The following UNC5D variants were observed in gnomAD, a reference collection of about 807,000 sequenced individuals.
The protein encoded by UNC5D is netrin receptor UNC5D.
In UNC5D, 39 loss-of-function variants were observed where a neutral mutation model predicts 105.4. The ratio of observed to expected loss-of-function variants is 0.37; its 90% CI spans 0.29 to 0.48. UNC5D has a LOEUF of 0.48. Among genes scored for constraint, UNC5D ranks in the 20% least tolerant of loss-of-function variants. The pLI is 0.98. For missense variants in UNC5D, 991 were observed against 1,202.4 expected (o/e 0.82, Z 2.60); for synonymous variants, 452 against 450.4 (o/e 1.00, Z -0.04).
intron 3 of UNC5D, among the ~76,000 whole-genome samples, chr8:35,569,517 C>G (rs746980906): frequency 2.0e-4 from 30 of 152,344 alleles, no homozygotes; most frequent in Non-Finnish European, 3.7e-4. Flanking sequence ...CTTCATTCTA[C>G]TGGCAATTTG....
intron 4 of UNC5D, among the ~76,000 whole-genome samples, chr8:35,679,191 AG>A (rs1269124399): frequency 2.0e-5 from 3 of 152,188 alleles, no homozygotes; most frequent in African/African-American, 7.2e-5. Context: ...TCAAGGCTGT[AG>A]TGAGCTATGA....
chr8:35,411,814 G>T (rs1318151144), intron 1 of UNC5D, among the ~76,000 whole-genome samples: 1 of 151,832 alleles, frequency 6.6e-6, no homozygotes, highest in Non-Finnish European at 1.5e-5. Flanking sequence ...ATGTTTATCG[G>T]AAGTACCCAG....
rs531224016 is a variant in UNC5D, at chr8:35,337,595, G to A, written c.103+101708G>A. On this transcript the variant is annotated intron_variant, in intron 1 of 16. Transcript: ENST00000404895. ...CCCGATTTGTGGGCAGTTCTTCTTA[G>A]CATTCTACTGTGGTATGAAGCACAC... 2.3e-4 allele frequency among the ~76,000 whole-genome samples: 35 copies of A among 152,262 alleles called. No individual in the cohort carries two copies. In the East Asian group the frequency reaches 6.0e-3, roughly 26 times the overall value.
At chr8:35,374,388 T>C (rs758911973) in intron 1 of UNC5D, among the ~76,000 whole-genome samples, 3 of 152,188 alleles carry the variant, frequency 2.0e-5, no homozygotes, top group Non-Finnish European at 4.4e-5. Flanking sequence ...GCCATTTCCG[T>C]TGAGCAAGAA....
At chr8:35,515,444 G>A (rs944762247) in intron 1 of UNC5D, among the ~76,000 whole-genome samples, 2 of 152,192 alleles carry the variant, frequency 1.3e-5, no homozygotes, top group Non-Finnish European at 2.9e-5. Flanking sequence ...CAGCACTTTG[G>A]GAGACCGAGG....
At chr8:35,251,852 T>G (rs1026191255) in intron 1 of UNC5D, among the ~76,000 whole-genome samples, 1 of 152,096 alleles carries the variant, frequency 6.6e-6, no homozygotes, top group African/African-American at 2.4e-5. Flanking sequence ...TGGTAGTTCC[T>G]CATACGGAGT....
intron 1 of UNC5D, among the ~76,000 whole-genome samples, chr8:35,291,089 TG>T (rs1466172811): frequency 6.6e-6 from 1 of 152,116 alleles, no homozygotes; most frequent in Non-Finnish European, 1.5e-5. Flanking sequence ...GTAAACCAAG[TG>T]GAAACTGAGT....
chr8:35,458,609 G>C (rs1299563127), intron 1 of UNC5D, among the ~76,000 whole-genome samples: 2 of 152,192 alleles, frequency 1.3e-5, no homozygotes, highest in Admixed American at 1.3e-4. Flanking sequence ...TGGATGAAAA[G>C]AGGTGTGCCG....
intron 1 of UNC5D, among the ~76,000 whole-genome samples, chr8:35,297,815 A>T (rs927030034): frequency 1.3e-5 from 2 of 152,062 alleles, no homozygotes; most frequent in African/African-American, 2.4e-5. Flanking sequence ...ATAAGGCTCC[A>T]TATCTACAGT....
chr8:35,774,113 G>A (rs1802130610), intron 15 of UNC5D, among the ~76,000 whole-genome samples, 186 bp from the exon 16 acceptor site: 1 of 152,240 alleles, frequency 6.6e-6, no homozygotes, highest in South Asian at 2.1e-4. Flanking sequence ...CAATTTATTA[G>A]GCTACTAGAG....
intron 1 of UNC5D, among the ~76,000 whole-genome samples, chr8:35,346,433 C>T (rs1475954120): frequency 1.3e-5 from 2 of 151,900 alleles, no homozygotes; most frequent in Non-Finnish European, 2.9e-5. Context: ...TGTTTTCTTC[C>T]TTGTTTCAAT....
At chr8:35,582,975 G>GCTGA (rs1304329860) in intron 3 of UNC5D, among the ~76,000 whole-genome samples, 3 of 152,182 alleles carry the variant, frequency 2.0e-5, no homozygotes, top group African/African-American at 7.2e-5. Flanking sequence ...TCAGCTGGAT[G>GCTGA]CTGAGCTGCA....
At chr8:35,603,529 G>A (rs1403315343) in intron 4 of UNC5D, among the ~76,000 whole-genome samples, 7 of 152,044 alleles carry the variant, frequency 4.6e-5, no homozygotes, top group African/African-American at 1.7e-4. Flanking sequence ...GTTGATTTGG[G>A]GTGGAGAGTT....
At chr8:35,380,318 C>A (rs2128931675) in intron 1 of UNC5D, among the ~76,000 whole-genome samples, 1 of 151,150 alleles carries the variant, frequency 6.6e-6, no homozygotes, top group East Asian at 2.0e-4. Context: ...GCATTTAAAC[C>A]TAATTATTTC....
chr8:35,420,847 T>C (rs1056491206), intron 1 of UNC5D, among the ~76,000 whole-genome samples: 3 of 151,914 alleles, frequency 2.0e-5, no homozygotes, highest in Non-Finnish European at 4.4e-5. Flanking sequence ...AGGAGAACTA[T>C]AAAAAAATCA....
At chr8:35,624,063 C>G (rs1287275046) in intron 4 of UNC5D, among the ~76,000 whole-genome samples, 3 of 151,982 alleles carry the variant, frequency 2.0e-5, no homozygotes, top group Non-Finnish European at 4.4e-5. Context: ...CTGGGCGACA[C>G]AGCGAGACTC....
At chr8:35,450,248 A>C (rs1313053291) in intron 1 of UNC5D, among the ~76,000 whole-genome samples, 1 of 152,154 alleles carries the variant, frequency 6.6e-6, no homozygotes, top group Non-Finnish European at 1.5e-5. Context: ...TGACTCACTA[A>C]AACTCCATCT....
chr8:35,371,300 T>C (rs1248639462), intron 1 of UNC5D, among the ~76,000 whole-genome samples: 1 of 152,160 alleles, frequency 6.6e-6, no homozygotes, highest in Non-Finnish European at 1.5e-5. Flanking sequence ...TGCCACCTCT[T>C]AATCATGATT....
At chr8:35,493,386 G>A (rs1811342583) in intron 1 of UNC5D, among the ~76,000 whole-genome samples, 1 of 151,162 alleles carries the variant, frequency 6.6e-6, no homozygotes, top group Admixed American at 6.6e-5. Flanking sequence ...AATAGGAAAT[G>A]TGTTATCCAT....
Sources: allele counts gnomAD v4.1 joint callset (sites outside exome capture counted in the v4.1 genomes callset), GRCh38; gene constraint gnomAD v4.1.1; transcripts MANE v1.5; gene names NCBI Gene and HGNC (gene_info 2026-07-23, HGNC 2026-07-21).